The following PRKN variants were observed in gnomAD, a reference collection of about 807,000 sequenced individuals.
The protein encoded by PRKN is parkin RBR E3 ubiquitin protein ligase.
In PRKN, 56 loss-of-function variants were observed where a neutral mutation model predicts 59.5. The observed-to-expected ratio is 0.94, with a 90% CI of 0.76 to 1.18. PRKN has a LOEUF of 1.18. Ranked by LOEUF, PRKN falls within the 50% of genes most tolerant of loss-of-function variation. The pLI, the probability that PRKN is intolerant of heterozygous loss-of-function variation, is 0.00. For synonymous variants in PRKN, 250 were observed against 222.1 expected (o/e 1.13, Z -1.12); for missense variants, 657 against 596.4 (o/e 1.10, Z -1.06).
chr6:162,672,757 CAT>C (rs1356356344), intron 1 of PRKN, among the ~76,000 whole-genome samples: 2 of 151,242 alleles, frequency 1.3e-5, no homozygotes, highest in Non-Finnish European at 2.9e-5. Flanking sequence ...CATGAATAAT[CAT>C]GTGAAAACTT....
intron 1 of PRKN, among the ~76,000 whole-genome samples, chr6:162,670,824 T>C (rs891931993): frequency 2.6e-5 from 4 of 152,200 alleles, no homozygotes; most frequent in African/African-American, 9.6e-5. Flanking sequence ...ACTGAAGCAA[T>C]TGGTTGAACC....
intron 5 of PRKN, among the ~76,000 whole-genome samples, chr6:162,044,980 C>G (rs1265660941): frequency 2.6e-5 from 4 of 152,200 alleles, no homozygotes; most frequent in Non-Finnish European, 5.9e-5. Context: ...GCATAAAAAT[C>G]ATCGTTTGCC....
In PRKN at chr6:162,689,872, A is replaced by C. The variant is rs1413131332; in HGVS notation, c.7+37790T>G. 2.6e-5 allele frequency among the ~76,000 whole-genome samples: 4 copies of C among 152,216 alleles called. No homozygotes were observed. The South Asian group carries it at 8.3e-4, about 31-fold the overall frequency. ...TGCATGCCCTGCTTAAAGAAACTTC[A>C]AAAACAAACCAAAAACCAAAACCAA... On this transcript the variant is annotated intron_variant, in intron 1 of 11. Transcript: ENST00000366898.
At chr6:161,879,876 A>C (rs9456721) in intron 6 of PRKN, among the ~76,000 whole-genome samples, 65,954 of 151,942 alleles carry the variant, frequency 0.43, 15,336 homozygotes, top group Non-Finnish European at 0.53. Flanking sequence ...TTTGTTTCAG[A>C]TCTGTAGGAC....
rs146202848 is a variant in PRKN, at chr6:162,396,662, T to A, written c.171+46648A>T. On this transcript the variant is annotated intron_variant, in intron 2 of 11. Transcript: ENST00000366898. ...TGTTGTTGTGTAAAGCCACTGGAAC[T>A]ATTGGCACATTTGTTACAGAAACAT... is the stretch of plus-strand genomic sequence containing the variant. Among the ~76,000 whole-genome samples, 804 of 152,294 alleles carry A rather than the reference T, an allele frequency of 5.3e-3. 4 individuals carry two copies. The highest frequency in any genetic ancestry group is 0.019 in the African/African-American group (780 of 41,574).
intron 7 of PRKN, among the ~76,000 whole-genome samples, chr6:161,667,486 G>A (rs1412892174): frequency 6.6e-6 from 1 of 152,118 alleles, no homozygotes. Flanking sequence ...ACCCCTTCAC[G>A]CAGAGTTTAT....
intron 2 of PRKN, among the ~76,000 whole-genome samples, chr6:162,322,569 T>A (rs1783076931): frequency 6.6e-6 from 1 of 152,120 alleles, no homozygotes; most frequent in Non-Finnish European, 1.5e-5. Flanking sequence ...CAAGACAATG[T>A]GGAATTGACA....
intron 7 of PRKN, among the ~76,000 whole-genome samples, chr6:161,698,087 G>A (rs1357667350): frequency 6.6e-6 from 1 of 151,996 alleles, no homozygotes; most frequent in East Asian, 1.9e-4. Context: ...TCTAATATGA[G>A]ACTAATTAAA....
intron 1 of PRKN, among the ~76,000 whole-genome samples, chr6:162,448,419 C>T (rs35876041): frequency 0.09 from 13,667 of 152,040 alleles, 717 homozygotes; most frequent in South Asian, 0.16. Context: ...TATACTCTTC[C>T]GTGAGCCAAC....
chr6:161,701,058 G>A (rs757225143), intron 7 of PRKN, among the ~76,000 whole-genome samples: 29 of 152,182 alleles, frequency 1.9e-4, no homozygotes, highest in African/African-American at 5.8e-4. Flanking sequence ...AAAGTCTTGT[G>A]CCAGTCCATC....
At chr6:162,436,346 T>G (rs1022565031) in intron 2 of PRKN, among the ~76,000 whole-genome samples, 19 of 151,950 alleles carry the variant, frequency 1.3e-4, no homozygotes, top group African/African-American at 4.6e-4. Flanking sequence ...TTTCCTTTTT[T>G]TTTTTTGAAA....
intron 2 of PRKN, among the ~76,000 whole-genome samples, chr6:162,327,299 GCA>G (rs1334200547): frequency 6.6e-6 from 1 of 152,086 alleles, no homozygotes; most frequent in Admixed American, 6.6e-5. Context: ...ACTTAATCCT[GCA>G]GCATAAGTTC....
intron 2 of PRKN, among the ~76,000 whole-genome samples, chr6:162,282,801 C>T (rs1780971528): frequency 1.3e-5 from 2 of 152,104 alleles, no homozygotes; most frequent in African/African-American, 2.4e-5. Context: ...TTATTGGGTA[C>T]ACATAGCAAA....
intron 7 of PRKN, among the ~76,000 whole-genome samples, chr6:161,774,291 TAG>T (rs905973701): frequency 8.1e-4 from 123 of 151,884 alleles, no homozygotes; most frequent in African/African-American, 2.9e-3. Context: ...CCACCAGCGT[TAG>T]AGACTGCTGT....
At chr6:162,497,864 T>C (rs1793139165) in intron 1 of PRKN, among the ~76,000 whole-genome samples, 1 of 152,194 alleles carries the variant, frequency 6.6e-6, no homozygotes, top group South Asian at 2.1e-4. Flanking sequence ...ATTCCTATAG[T>C]TAACAATCAT....
chr6:161,492,042 A>G (rs573118491), intron 9 of PRKN, among the ~76,000 whole-genome samples: 2 of 152,344 alleles, frequency 1.3e-5, no homozygotes, highest in African/African-American at 4.8e-5. Flanking sequence ...CTCATAAGAC[A>G]TATAAGAACT....
chr6:162,063,929 A>G (rs1436328624), intron 4 of PRKN, among the ~76,000 whole-genome samples: 1 of 49,710 alleles, frequency 2.0e-5, no homozygotes, highest in Non-Finnish European at 3.8e-5. Flanking sequence ...AAAAATGAAA[A>G]TACACACACA....
intron 7 of PRKN, among the ~76,000 whole-genome samples, chr6:161,779,429 TC>T (rs1790097476): frequency 2.0e-4 from 19 of 93,058 alleles, no homozygotes; most frequent in East Asian, 6.1e-4. Flanking sequence ...TTTCTCTTTT[TC>T]TTTTCTTTTC....
intron 1 of PRKN, among the ~76,000 whole-genome samples, chr6:162,511,440 T>C (rs771355420): frequency 3.0e-4 from 40 of 134,214 alleles, no homozygotes; most frequent in South Asian, 6.8e-4. Context: ...CTGTACAGAA[T>C]ACAAAAAAAA....
Sources: allele counts gnomAD v4.1 joint callset (sites outside exome capture counted in the v4.1 genomes callset), GRCh38; gene constraint gnomAD v4.1.1; transcripts MANE v1.5; gene names NCBI Gene and HGNC (gene_info 2026-07-23, HGNC 2026-07-21).